SGCZ: variants seen among roughly 807,000 people sequenced by gnomAD.
The protein encoded by SGCZ is sarcoglycan zeta.
In SGCZ, 40 loss-of-function variants were observed where a neutral mutation model predicts 41.3. The observed-to-expected ratio is 0.97, with a 90% CI of 0.75 to 1.26. The LOEUF (loss-of-function observed/expected upper bound fraction) is 1.26, where lower values mean the gene tolerates loss of function less well. SGCZ is among the 50% of genes most tolerant of loss of function. SGCZ has a pLI of 0.00. For missense variants in SGCZ, 552 were observed against 369.8 expected (o/e 1.49, Z -4.04); for synonymous variants, 206 against 137.5 (o/e 1.50, Z -3.49).
At position 14,523,464 on chromosome 8, in the gene SGCZ, T is replaced by C. The variant is rs1802849187; in HGVS notation, c.234+31268A>G. On this transcript the variant is annotated intron_variant, in intron 2 of 7. Transcript: ENST00000382080. Reference sequence around the variant, plus strand: ...TCTAGTTTAAGTTTTTCTTCTTTATTCCTCAGAAATGTAAAAATACTATAC... The same window carrying C: ...TCTAGTTTAAGTTTTTCTTCTTTATCCCTCAGAAATGTAAAAATACTATAC... 3.3e-5 allele frequency among the ~76,000 whole-genome samples: 5 copies of C among 152,192 alleles called. No homozygotes were observed. The South Asian group carries it at 1.0e-3, about 32-fold the overall frequency.
chr8:15,171,549 G>A (rs1373624840), intron 1 of SGCZ, among the ~76,000 whole-genome samples: 1 of 152,168 alleles, frequency 6.6e-6, no homozygotes, highest in African/African-American at 2.4e-5. Context: ...CTTTTTAGCT[G>A]GAGATCCAAC....
chr8:14,092,653 A>G (rs1178689881), intron 7 of SGCZ, among the ~76,000 whole-genome samples: 1 of 151,906 alleles, frequency 6.6e-6, no homozygotes, highest in Non-Finnish European at 1.5e-5. Flanking sequence ...ATGGTTTTAT[A>G]AGGGGGAAAC....
At chr8:14,423,502 C>T (rs1202801640) in intron 2 of SGCZ, among the ~76,000 whole-genome samples, 3 of 152,028 alleles carry the variant, frequency 2.0e-5, no homozygotes, top group East Asian at 3.9e-4. Flanking sequence ...CCGCAACCTC[C>T]GCCTCCCGGG....
At chr8:14,877,277 C>A (rs963854121) in intron 1 of SGCZ, among the ~76,000 whole-genome samples, 10 of 152,048 alleles carry the variant, frequency 6.6e-5, no homozygotes, top group Non-Finnish European at 1.2e-4. Flanking sequence ...CAAGCCAGAG[C>A]CTTTATTATG....
intron 1 of SGCZ, among the ~76,000 whole-genome samples, chr8:14,998,989 C>T (rs944265454): frequency 6.6e-6 from 1 of 152,122 alleles, no homozygotes; most frequent in African/African-American, 2.4e-5. Flanking sequence ...CTTGGGTACA[C>T]TTGGATTTAA....
chr8:14,316,078 A>T (rs1801705630), intron 3 of SGCZ, among the ~76,000 whole-genome samples: 1 of 151,904 alleles, frequency 6.6e-6, no homozygotes, highest in Admixed American at 6.6e-5. Flanking sequence ...AGTCTCCATG[A>T]CTAGGCAATT....
At chr8:14,683,927 T>C (rs1001917411) in intron 1 of SGCZ, among the ~76,000 whole-genome samples, 1 of 152,146 alleles carries the variant, frequency 6.6e-6, no homozygotes, top group African/African-American at 2.4e-5. Flanking sequence ...ATGCATGATT[T>C]TTCACATTTT....
intron 1 of SGCZ, among the ~76,000 whole-genome samples, chr8:15,090,795 A>T (rs2131062135): frequency 6.6e-6 from 1 of 152,298 alleles, no homozygotes; most frequent in East Asian, 1.9e-4. Flanking sequence ...TTTCATGCCA[A>T]ACAGGTGTGT....
At chr8:14,838,796 G>A (rs1344039988) in intron 1 of SGCZ, among the ~76,000 whole-genome samples, 1 of 152,094 alleles carries the variant, frequency 6.6e-6, no homozygotes, top group Admixed American at 6.6e-5. Context: ...AGCTGCATCT[G>A]ACTGATCATC....
At chr8:14,269,063 T>C (rs1327244384) in intron 3 of SGCZ, among the ~76,000 whole-genome samples, 1 of 152,062 alleles carries the variant, frequency 6.6e-6, no homozygotes, top group Admixed American at 6.5e-5. Context: ...TCTATATCAT[T>C]AAACACAATT....
chr8:14,660,241 A>G (rs1807703913), intron 1 of SGCZ, among the ~76,000 whole-genome samples: 1 of 152,164 alleles, frequency 6.6e-6, no homozygotes, highest in African/African-American at 2.4e-5. Context: ...GTGTATGAAG[A>G]AAATAAAAGG....
intron 2 of SGCZ, among the ~76,000 whole-genome samples, chr8:14,338,323 T>A (rs1802570366): frequency 6.6e-6 from 1 of 152,142 alleles, no homozygotes; most frequent in African/African-American, 2.4e-5. Context: ...ATAGAAAACT[T>A]AGTTGGCATC....
At chr8:14,427,538 G>T (rs541992532) in intron 2 of SGCZ, among the ~76,000 whole-genome samples, 18 of 151,846 alleles carry the variant, frequency 1.2e-4, no homozygotes, top group Non-Finnish European at 1.9e-4. Context: ...AACTCTACTC[G>T]TCTCCCCAGG....
At chr8:14,252,895 T>G (rs1412962591) in intron 3 of SGCZ, among the ~76,000 whole-genome samples, 12 of 152,328 alleles carry the variant, frequency 7.9e-5, no homozygotes, top group African/African-American at 2.9e-4. Flanking sequence ...GGCTTTCCAT[T>G]ATCTTTTGCA....
chr8:14,930,623 T>A (rs917866034), intron 1 of SGCZ, among the ~76,000 whole-genome samples: 4 of 152,038 alleles, frequency 2.6e-5, no homozygotes, highest in Non-Finnish European at 5.9e-5. Flanking sequence ...AAAGAAAATG[T>A]GGCACATATA....
At chr8:14,637,820 C>A (rs1467235340) in intron 1 of SGCZ, among the ~76,000 whole-genome samples, 1 of 151,728 alleles carries the variant, frequency 6.6e-6, no homozygotes, top group Non-Finnish European at 1.5e-5. Flanking sequence ...ATTTATGTTT[C>A]TTTGAGTATA....
chr8:15,197,968 T>A (rs1023243373), intron 1 of SGCZ, among the ~76,000 whole-genome samples: 2 of 149,552 alleles, frequency 1.3e-5, no homozygotes, highest in South Asian at 4.2e-4. Flanking sequence ...TTACATTATA[T>A]ATATATTATG....
At chr8:14,209,781 G>A (rs1443359438) in intron 4 of SGCZ, among the ~76,000 whole-genome samples, 1 of 151,952 alleles carries the variant, frequency 6.6e-6, no homozygotes, top group African/African-American at 2.4e-5. Flanking sequence ...TGGGATCAAA[G>A]TTACGTTGGT....
At chr8:14,803,077 T>G (rs1801378695) in intron 1 of SGCZ, among the ~76,000 whole-genome samples, 1 of 152,220 alleles carries the variant, frequency 6.6e-6, no homozygotes, top group African/African-American at 2.4e-5. Context: ...CTAAATTATT[T>G]TACCACCCAT....
Sources: allele counts gnomAD v4.1 joint callset (sites outside exome capture counted in the v4.1 genomes callset), GRCh38; gene constraint gnomAD v4.1.1; transcripts MANE v1.5; gene names NCBI Gene and HGNC (gene_info 2026-07-23, HGNC 2026-07-21).